CEP126: variants seen among roughly 807,000 people sequenced by gnomAD.
CEP126 encodes the protein centrosomal protein 126, also known as centrosomal protein of 126 kDa.
In CEP126, 74 loss-of-function variants were observed where a neutral mutation model predicts 107.8. The observed-to-expected ratio is 0.69, with a 90% CI of 0.57 to 0.83. CEP126 has a LOEUF of 0.83. Among genes scored for constraint, CEP126 ranks in the 40% least tolerant of loss-of-function variants. The probability of loss-of-function intolerance (pLI) is 0.00; values close to 1 mark genes in which losing one functional copy is unlikely to be tolerated. For missense variants in CEP126, 1,237 were observed against 1,281.9 expected, an observed-to-expected ratio of 0.96 and a Z score of 0.53; for synonymous variants, 449 against 446.0, an observed-to-expected ratio of 1.01 and a Z score of -0.08.
At chr11:101,976,310 T>C (rs183759299) in intron 6 of CEP126, among the ~76,000 whole-genome samples, 11 of 152,356 alleles carry the variant, frequency 7.2e-5, no homozygotes, top group Admixed American at 5.2e-4. Flanking sequence ...TGGTTTTGAT[T>C]TGCACTTGTC....
chr11:101,960,896 G>A (rs1012345466), intron 5 of CEP126, among the ~76,000 whole-genome samples: 67 of 152,132 alleles, frequency 4.4e-4, no homozygotes, highest in African/African-American at 1.6e-3. Context: ...TATATGTGAT[G>A]TAGATTAATG....
chr11:101,973,094 T>C (rs954916827), intron 6 of CEP126, among the ~76,000 whole-genome samples: 1 of 152,210 alleles, frequency 6.6e-6, no homozygotes, highest in African/African-American at 2.4e-5. Context: ...TTCCTCCTTT[T>C]ATGAATAATT....
chr11:101,994,914 G>A lies in CEP126; in HGVS notation c.3309+2072G>A, dbSNP rs370838504. On this transcript the variant is annotated intron_variant, in intron 10 of 10. Coordinates refer to ENST00000263468, the MANE Select transcript of CEP126 (RefSeq NM_020802.4). The stretch of plus-strand genomic sequence containing the variant: ...TTATACTTTAAGTTCTGGGATACAT[G>A]TGCAGAACATGCAGGTTTGTTACAT... Among the ~76,000 whole-genome samples, 41 of 148,606 alleles carry A rather than the reference G, an allele frequency of 2.8e-4. No individual in the cohort carries two copies. The East Asian group carries it at 4.8e-3, about 17-fold the overall frequency.
intron 8 of CEP126, among the ~76,000 whole-genome samples, 190 bp from the exon 9 acceptor site, chr11:101,986,642 C>T (rs566121777): frequency 2.6e-5 from 4 of 151,890 alleles, no homozygotes; most frequent in East Asian, 1.9e-4. Flanking sequence ...TTTTAAAAAA[C>T]GAAGGATAGG....
In CEP126 at chr11:101,962,796, T is replaced by C; in HGVS notation, c.1761T>C (p.His587=). The change falls in exon 6 of 11, where the codon CAT becomes CAC. Residue 587 remains histidine (H), a synonymous_variant. Transcript: ENST00000263468. Reference sequence around the variant, plus strand: ...TAAAGAAAGAATCTAAATATGAACATGGTTATCTTAAGGCATTAATTATAA... The same window carrying C: ...TAAAGAAAGAATCTAAATATGAACACGGTTATCTTAAGGCATTAATTATAA... ...SILKKESKYE[H]GYLKALIINQ... 6.2e-7 allele frequency: 1 copy of C among 1,602,820 alleles called. No homozygotes were observed. The highest frequency in any genetic ancestry group is 1.7e-4 in the Middle Eastern group (1 of 5,976).
At chr11:101,986,463 T>C (rs948558654) in intron 8 of CEP126, among the ~76,000 whole-genome samples, 2 of 152,192 alleles carry the variant, frequency 1.3e-5, no homozygotes, top group African/African-American at 4.8e-5. Context: ...CTTACTTTGT[T>C]ATAATTCATT....
In CEP126 at chr11:101,958,179, CTGCCTTGCCT is replaced by C; in HGVS notation, c.520_529del (p.Ala174ProfsTer24). On this transcript the variant is annotated frameshift_variant, in exon 5 of 11. Transcript: ENST00000263468. LOFTEE classifies it high-confidence loss of function. ...TGTCTGGTTCACAGAGCTATAGATT[CTGCCTTGCCT>C]TCCGCATTATCAAAAAATGATCACA... is the stretch of plus-strand genomic sequence containing the variant. 6.2e-7 allele frequency: 1 copy of C among 1,613,662 alleles called. No homozygotes were observed. Among genetic ancestry groups the C allele is most frequent in the Non-Finnish European group, 8.5e-7 (1 of 1,179,844 alleles).
intron 6 of CEP126, among the ~76,000 whole-genome samples, chr11:101,973,041 T>C (rs1000613585): frequency 4.6e-5 from 7 of 152,350 alleles, no homozygotes; most frequent in Admixed American, 2.6e-4. Context: ...GTTCAAACAA[T>C]GTTTTCATTC....
intron 6 of CEP126, among the ~76,000 whole-genome samples, chr11:101,976,767 G>T (rs749711887): frequency 2.0e-5 from 3 of 152,136 alleles, no homozygotes; most frequent in Non-Finnish European, 4.4e-5. Context: ...AGCAGGCTCA[G>T]AAGGTTAACT....
chr11:101,938,139 G>A (rs555537080), intron 2 of CEP126, among the ~76,000 whole-genome samples: 7 of 77,574 alleles, frequency 9.0e-5, no homozygotes, highest in African/African-American at 2.0e-4. Flanking sequence ...CGGCCTGGGC[G>A]ACAGAGCGAG....
Position 101,997,608 on chromosome 11 carries a change from G to T in CEP126, c.3319G>T (p.Glu1107Ter), listed in dbSNP as rs1423203930. Residue 1107 changes from glutamate (E) to a stop codon, truncating the protein, a stop_gained, in exon 11 of 11, where the codon GAA becomes TAA. Transcript: ENST00000263468. LOFTEE classifies it high-confidence loss of function. ...TCTTTCTGATTTCCAGGAGAAGAGA[G>T]AAGATAGAACCAGCAGCTGCAGAGA... ...LQIIPLLEKREDRTSSCRDKR is the reference protein window; with the variant it reads ...LQIIPLLEKR 1 of 1,614,000 alleles carries T rather than the reference G, an allele frequency of 6.2e-7. No individual in the cohort carries two copies. The highest frequency in any genetic ancestry group is 2.2e-5 in the East Asian group (1 of 44,862).
chr11:101,963,251 A>G lies in CEP126; in HGVS notation c.2216A>G (p.His739Arg), dbSNP rs1270092416. The G allele has an allele frequency of 1.9e-6, 3 of 1,613,932 alleles. No individual in the cohort carries two copies. Among genetic ancestry groups the G allele is most frequent in the East Asian group, 2.2e-5 (1 of 44,880 alleles). ...SKKEESKIPV[H>R]DDSKTKQGKP... is the part of the protein sequence containing the mutation. ...AAAGAAGAAAGTAAAATCCCTGTAC[A>G]TGATGATTCTAAAACTAAGCAAGGT... Residue 739 changes from histidine to arginine, a missense_variant, in exon 6 of 11, where the codon CAT (histidine) becomes CGT (arginine). Physicochemically the swap from His to Arg is conservative, Grantham distance 29 (BLOSUM62 0). Coordinates refer to ENST00000263468, the MANE Select transcript of CEP126 (RefSeq NM_020802.4).
chr11:101,986,835 C>G lies in CEP126; in HGVS notation c.3038C>G (p.Ser1013Ter). The change falls in exon 9 of 11, where the codon TCA becomes TGA. Residue 1013 changes from serine to a stop codon, truncating the protein, a stop_gained. Transcript: ENST00000263468. LOFTEE classifies it high-confidence loss of function. ...TRGTSYIEEV[S>*]DSTSEFLMAE... Reference sequence around the variant, plus strand: ...TAACTGATGTAAGTTTCTGTAGTTTCAGATAGTACTTCTGAGTTTTTGATG... The same window carrying G: ...TAACTGATGTAAGTTTCTGTAGTTTGAGATAGTACTTCTGAGTTTTTGATG... 6.2e-7 allele frequency: 1 copy of G among 1,613,092 alleles called. No homozygotes were observed.
intron 2 of CEP126, among the ~76,000 whole-genome samples, chr11:101,936,924 A>G (rs1295727290): frequency 6.6e-6 from 1 of 152,118 alleles, no homozygotes; most frequent in East Asian, 1.9e-4. Context: ...GCTGGATTTT[A>G]TTTGCTAATA....
chr11:101,964,502 G>A (rs1292801824), intron 6 of CEP126, among the ~76,000 whole-genome samples: 4 of 151,988 alleles, frequency 2.6e-5, no homozygotes, highest in East Asian at 1.9e-4. Context: ...GCATGGTGGC[G>A]CGTGCCTGTA....
At chr11:101,931,890 G>A (rs745483332) in intron 2 of CEP126, among the ~76,000 whole-genome samples, 1 of 152,184 alleles carries the variant, frequency 6.6e-6, no homozygotes, top group Non-Finnish European at 1.5e-5. Context: ...TAGACCCCAG[G>A]AAACAAGAAC....
chr11:101,922,380 G>A (rs1385709154), intron 1 of CEP126, among the ~76,000 whole-genome samples: 1 of 151,342 alleles, frequency 6.6e-6, no homozygotes, highest in African/African-American at 2.4e-5. Flanking sequence ...GGCCAGCCGG[G>A]TCTTGACCTA....
chr11:101,974,699 A>C, intron 6 of CEP126, among the ~76,000 whole-genome samples: 1 of 152,180 alleles, frequency 6.6e-6, no homozygotes, highest in East Asian at 1.9e-4. Flanking sequence ...TTTCATATGA[A>C]ACTAGGAATT....
chr11:101,935,524 T>A (rs1476177585), intron 2 of CEP126, among the ~76,000 whole-genome samples: 1 of 152,038 alleles, frequency 6.6e-6, no homozygotes, highest in Non-Finnish European at 1.5e-5. Context: ...GATATAAGGG[T>A]TGAGTGGTTT....
Sources: gnomAD v4.1 joint callset for allele counts (sites outside exome capture counted in the v4.1 genomes callset) on GRCh38, gnomAD v4.1.1 for gene constraint, MANE v1.5 for transcripts, NCBI Gene and HGNC (gene_info 2026-07-23, HGNC 2026-07-21) for gene names.